The following PRKCA variants were observed in gnomAD, a reference collection of about 807,000 sequenced individuals.
PRKCA encodes the protein protein kinase C alpha type.
PRKCA carries 27 observed loss-of-function variants against 87.0 expected under a neutral mutation model. That is an observed-to-expected ratio of 0.31 (90% confidence interval 0.23 to 0.43). PRKCA has a LOEUF of 0.43. PRKCA is among the 20% of genes least tolerant of loss of function. The pLI, the probability that PRKCA is intolerant of heterozygous loss-of-function variation, is 1.00. For missense variants in PRKCA, 518 were observed against 852.3 expected (o/e 0.61, Z 4.88); for synonymous variants, 329 against 311.1 (o/e 1.06, Z -0.61).
chr17:66,555,169 C>T (rs370236159), intron 3 of PRKCA, among the ~76,000 whole-genome samples: 5 of 152,204 alleles, frequency 3.3e-5, no homozygotes, highest in Admixed American at 6.5e-5. Context: ...TGAGCCACCA[C>T]GCCCAGCCAG....
At chr17:66,665,346 A>G (rs191195469) in intron 5 of PRKCA, among the ~76,000 whole-genome samples, 1 of 152,290 alleles carries the variant, frequency 6.6e-6, no homozygotes, top group Admixed American at 6.5e-5. Context: ...GTGTCCTGAG[A>G]GTTTCCATGA....
intron 6 of PRKCA, 38 bp downstream of exon 6, chr17:66,687,305 C>T: frequency 6.3e-7 from 1 of 1,580,566 alleles, no homozygotes; most frequent in South Asian, 1.1e-5. Context: ...CATTCCTATA[C>T]ACCATGCAGT....
chr17:66,311,797 C>T lies in PRKCA; in HGVS notation c.205+5670C>T, dbSNP rs143283125. Among the ~76,000 whole-genome samples the T allele has an allele frequency of 5.6e-3, 846 of 152,244 alleles. 3 individuals carry two copies. The highest frequency in any genetic ancestry group is 0.01 in the Middle Eastern group (3 of 294). ...TTCTGATTAATGACTTTCTGAATTG[C>T]TACTCTTTTACTTTATACGGTAAGT... On this transcript the variant is annotated intron_variant, in intron 2 of 16. Transcript: ENST00000413366.
intron 3 of PRKCA, among the ~76,000 whole-genome samples, chr17:66,519,769 C>T (rs577363656): frequency 6.6e-6 from 1 of 152,238 alleles, no homozygotes; most frequent in South Asian, 2.1e-4. Flanking sequence ...CACCACAGAT[C>T]TTCTGAAGCA....
intron 3 of PRKCA, among the ~76,000 whole-genome samples, chr17:66,535,670 A>C (rs536586184): frequency 6.6e-6 from 1 of 152,158 alleles, no homozygotes; most frequent in Non-Finnish European, 1.5e-5. Flanking sequence ...TCCCTGTTGG[A>C]TCTGTCCTTC....
intron 3 of PRKCA, among the ~76,000 whole-genome samples, chr17:66,511,292 G>A (rs996627554): frequency 1.3e-5 from 2 of 152,132 alleles, no homozygotes; most frequent in African/African-American, 4.8e-5. Flanking sequence ...TAGATATTAA[G>A]CTTGTATTAT....
At chr17:66,465,549 G>T (rs1353776807) in intron 2 of PRKCA, among the ~76,000 whole-genome samples, 2 of 150,194 alleles carry the variant, frequency 1.3e-5, no homozygotes, top group Non-Finnish European at 3.0e-5. Context: ...GTGCCACCAT[G>T]CCTGGCTAGT....
chr17:66,498,767 C>T lies in PRKCA; in HGVS notation c.288+2484C>T, dbSNP rs374597363. 1.2e-4 allele frequency among the ~76,000 whole-genome samples: 18 copies of T among 152,280 alleles called. No individual in the cohort carries two copies. The East Asian group carries it at 1.5e-3, about 13-fold the overall frequency. ...GGAAGGGTGTGTGTGTGCGTGCGTA[C>T]GCGCATGTGTGCACACATGCATGCT... On this transcript the variant is annotated intron_variant, in intron 3 of 16. Coordinates refer to ENST00000413366, the MANE Select transcript of PRKCA (RefSeq NM_002737.3).
chr17:66,800,774 GC>G (rs1975882278), intron 16 of PRKCA, among the ~76,000 whole-genome samples: 1 of 152,206 alleles, frequency 6.6e-6, no homozygotes, highest in Admixed American at 6.5e-5. Flanking sequence ...GTCTATCTGT[GC>G]AGCCCTAAAT....
At chr17:66,580,928 TG>T (rs1969409592) in intron 3 of PRKCA, among the ~76,000 whole-genome samples, 1 of 123,918 alleles carries the variant, frequency 8.1e-6, no homozygotes, top group African/African-American at 3.6e-5. Context: ...TGAGATTTGT[TG>T]CCCCCCCCCA....
chr17:66,804,049 G>C lies in PRKCA; in HGVS notation c.*12G>C. On this transcript the variant is annotated 3_prime_UTR_variant, in exon 17 of 17. Transcript: ENST00000413366. ...AGAGTGCAGTATGAAACTCACCAGC[G>C]AGAACAAACACCTCCCCAGCCCCCA... is the stretch of plus-strand genomic sequence containing the variant. The C allele has an allele frequency of 6.3e-7, 1 of 1,594,768 alleles. No homozygotes were observed. Among genetic ancestry groups the C allele is most frequent in the East Asian group, 2.3e-5 (1 of 44,300 alleles).
intron 8 of PRKCA, among the ~76,000 whole-genome samples, chr17:66,719,132 A>G (rs1393335192): frequency 2.6e-5 from 4 of 152,196 alleles, no homozygotes; most frequent in Non-Finnish European, 5.9e-5. Context: ...GGATGCACAC[A>G]TATTTAGACC....
At chr17:66,589,947 A>G (rs142118906) in intron 3 of PRKCA, among the ~76,000 whole-genome samples, 28 of 152,294 alleles carry the variant, frequency 1.8e-4, no homozygotes, top group Admixed American at 1.4e-3. Context: ...GCAGTTCACA[A>G]TAGGGTTTGT....
chr17:66,537,758 A>G (rs568820996), intron 3 of PRKCA, among the ~76,000 whole-genome samples: 1 of 152,260 alleles, frequency 6.6e-6, no homozygotes, highest in Non-Finnish European at 1.5e-5. Context: ...TCTTTTGAGT[A>G]AGAGATTGCT....
At chr17:66,546,724 C>T (rs1339314828) in intron 3 of PRKCA, among the ~76,000 whole-genome samples, 1 of 152,192 alleles carries the variant, frequency 6.6e-6, no homozygotes, top group East Asian at 1.9e-4. Flanking sequence ...GTCACATTCA[C>T]GTAGACCTGG....
At chr17:66,675,916 C>G (rs1399050471) in intron 5 of PRKCA, among the ~76,000 whole-genome samples, 2 of 152,196 alleles carry the variant, frequency 1.3e-5, no homozygotes, top group Non-Finnish European at 2.9e-5. Context: ...TGTGTGCCTG[C>G]ATGGTTTTAG....
At chr17:66,770,603 C>T (rs532157389) in intron 13 of PRKCA, among the ~76,000 whole-genome samples, 7 of 152,332 alleles carry the variant, frequency 4.6e-5, no homozygotes, top group South Asian at 2.1e-4. Context: ...AAGACTTAAA[C>T]GTAGTCCTAA....
chr17:66,636,080 G>A (rs920032526), intron 3 of PRKCA, among the ~76,000 whole-genome samples: 5 of 152,192 alleles, frequency 3.3e-5, no homozygotes, highest in Non-Finnish European at 7.4e-5. Context: ...ACCACCTGAC[G>A]TTTTAAAAAT....
intron 2 of PRKCA, among the ~76,000 whole-genome samples, chr17:66,391,316 G>C (rs1178411790): frequency 1.3e-5 from 2 of 152,182 alleles, no homozygotes; most frequent in African/African-American, 4.8e-5. Flanking sequence ...GTTGTGATGT[G>C]ATCTTTGAGT....
Sources: gnomAD v4.1 joint callset for allele counts (sites outside exome capture counted in the v4.1 genomes callset) on GRCh38, gnomAD v4.1.1 for gene constraint, MANE v1.5 for transcripts, NCBI Gene and HGNC (gene_info 2026-07-23, HGNC 2026-07-21) for gene names.